Variants in ERLIN2 observed in about 807,000 individuals in gnomAD.
ERLIN2 encodes erlin-2.
Under a neutral mutation model 41.5 loss-of-function variants are expected in ERLIN2, and 22 were observed. That is an observed-to-expected ratio of 0.53 (90% CI 0.38 to 0.76). The LOEUF (loss-of-function observed/expected upper bound fraction) is 0.76. Ranked by LOEUF, ERLIN2 falls within the 30% of genes least tolerant of loss-of-function variation. The pLI, the probability that ERLIN2 is intolerant of heterozygous loss-of-function variation, is 0.00. For synonymous variants in ERLIN2, 149 were observed against 150.9 expected (o/e 0.99, Z 0.09); for missense variants, 247 against 414.3 (o/e 0.60, Z 3.51).
chr8:37,744,053 A>C (rs1307398902), intron 4 of ERLIN2, among the ~76,000 whole-genome samples: 1 of 152,200 alleles, frequency 6.6e-6, no homozygotes. Flanking sequence ...TTTTCCGTGC[A>C]ACTGATTAAT....
rs1271638094 is a variant in ERLIN2, at chr8:37,757,473, T to C, written c.*3358T>C. ...TTAAGTAGGCAAACTACTTCTACTT[T>C]CAAAGAGCCCCAAGGGCTTAATGAC... On this transcript the variant is annotated 3_prime_UTR_variant, in exon 12 of 12. Transcript: ENST00000519638. The C allele has an allele frequency of 6.6e-6, 1 of 152,222 alleles. No individual in the cohort carries two copies. Among genetic ancestry groups the C allele is most frequent in the Non-Finnish European group, 1.5e-5 (1 of 68,032 alleles). 9.4% of individuals were successfully genotyped at this position (152,222 alleles called of 1,614,324 possible).
chr8:37,754,129 T>C lies in ERLIN2; in HGVS notation c.*14T>C, dbSNP rs761432857. 4.5e-6 allele frequency: 7 copies of C among 1,549,276 alleles called. No homozygotes were observed. The highest frequency in any genetic ancestry group is 4.1e-5 in the African/African-American group (3 of 73,724). ...AAGGAGAATTGAAAAAAACTTGATA[T>C]GACTGCAAATGATACTTAAGCAGAT... On this transcript the variant is annotated 3_prime_UTR_variant, in exon 12 of 12. Transcript: ENST00000519638.
chr8:37,753,571 C>G, intron 11 of ERLIN2, 42 bp downstream of exon 11: 2 of 1,574,526 alleles, frequency 1.3e-6, no homozygotes, highest in Non-Finnish European at 1.7e-6. Context: ...GTCTTTGGGT[C>G]TGGGTCTGTA....
intron 2 of ERLIN2, 63 bp from the exon 3 acceptor site, chr8:37,740,302 T>C: frequency 9.0e-7 from 1 of 1,106,116 alleles, no homozygotes; most frequent in Non-Finnish European, 1.4e-6. Flanking sequence ...ACCCTCATGA[T>C]ATTGATCTAA....
intron 6 of ERLIN2, chr8:37,746,140 A>C (rs901310917): frequency 8.1e-6 from 8 of 992,776 alleles, no homozygotes; most frequent in Non-Finnish European, 9.6e-6. Flanking sequence ...AGCAAGCACT[A>C]CTTGGCTTAG....
rs1253809154 is a variant in ERLIN2 at position 37,755,362 on chromosome 8, G to T, written c.*1247G>T. 2 of 152,206 alleles carry T rather than the reference G, an allele frequency of 1.3e-5. No individual in the cohort carries two copies. The highest frequency in any genetic ancestry group is 4.8e-5 in the African/African-American group (2 of 41,436). 9.4% of individuals were successfully genotyped at this position (152,206 alleles called of 1,614,324 possible). ...AGTCACCTTGGGAGATTCAGGATGG[G>T]GAGAGCAAATTTGAACAAAAGGTTT... On this transcript the variant is annotated 3_prime_UTR_variant, in exon 12 of 12. Coordinates refer to ENST00000519638, the MANE Select transcript of ERLIN2 (RefSeq NM_007175.8).
chr8:37,754,004 CAT>C lies in ERLIN2; in HGVS notation c.910_911del (p.Met304ValfsTer13). 1 of 1,613,740 alleles carries C rather than the reference CAT, an allele frequency of 6.2e-7. No individual in the cohort carries two copies. The highest frequency in any genetic ancestry group is 1.3e-5 in the African/African-American group (1 of 74,944). ...TTTACTTTGGCAAAGACATTCCTAA[CAT>C]GTTCATGGACTCTGCGGGCAGTGTG... ...KIYFGKDIPNMFMDSAGSVSK... is the reference protein window; with the variant it reads ...KIYFGKDIPNXFMDSAGSVSK... On this transcript the variant is annotated frameshift_variant, in exon 12 of 12. Transcript: ENST00000519638. LOFTEE classifies it high-confidence loss of function.
Position 37,756,209 on chromosome 8 carries a change from CA to C in ERLIN2, c.*2096del, listed in dbSNP as rs1462044927. The C allele has an allele frequency of 1.3e-5, 2 of 152,122 alleles. No homozygotes were observed. Among genetic ancestry groups the C allele is most frequent in the Non-Finnish European group, 2.9e-5 (2 of 68,036 alleles). The allele number at this position is 152,122 out of a possible 1,614,324, so 9.4% of individuals were successfully genotyped here. A position where few individuals can be genotyped will look rare whatever the true frequency, so the allele number is the denominator to read the frequency against. On this transcript the variant is annotated 3_prime_UTR_variant, in exon 12 of 12. Transcript: ENST00000519638. ...GTCTCAAGAAAAGAAGGTCATTTCCCAAGACTAGCATAGGGAGTATCCATTT... is the reference window on the plus strand; with the variant it reads ...GTCTCAAGAAAAGAAGGTCATTTCCCAGACTAGCATAGGGAGTATCCATTT...
Position 37,754,295 on chromosome 8 carries a change from G to A in ERLIN2, c.*180G>A. The A allele has an allele frequency of 1.6e-6, 1 of 638,968 alleles. No homozygotes were observed. The highest frequency in any genetic ancestry group is 2.8e-6 in the Non-Finnish European group (1 of 359,814). 39.6% of individuals were successfully genotyped at this position (638,968 alleles called of 1,614,324 possible). On this transcript the variant is annotated 3_prime_UTR_variant, in exon 12 of 12. Transcript: ENST00000519638. ...GGAAAGGAGGGTGGGGACTGATGAT[G>A]GGGGGTTTTATTTCAGGTAAGCAGT...
intron 6 of ERLIN2, chr8:37,747,501 CTCCTCT>C (rs1434650493): frequency 3.7e-6 from 6 of 1,612,316 alleles, no homozygotes; most frequent in Middle Eastern, 1.6e-4. Flanking sequence ...TAGCCTCAAT[CTCCTCT>C]TCCTCTTCAT....
At chr8:37,750,682 C>T (rs1803198003) in intron 9 of ERLIN2, among the ~76,000 whole-genome samples, 196 bp downstream of exon 9, 1 of 152,058 alleles carries the variant, frequency 6.6e-6, no homozygotes, top group Non-Finnish European at 1.5e-5. Context: ...TTTTGAGTTT[C>T]CACTTAACTC....
rs902460036 is a variant in ERLIN2, at chr8:37,754,978, T to C, written c.*863T>C. The C allele has an allele frequency of 2.0e-5, 3 of 152,272 alleles. No homozygotes were observed. The highest frequency in any genetic ancestry group is 4.8e-5 in the African/African-American group (2 of 41,430). 9.4% of individuals were successfully genotyped at this position (152,272 alleles called of 1,614,324 possible). ...GCCACTGCAGGACCTGCCTGACAGG[T>C]TATGTGTGCACCTCGAGATGAAGTG... On this transcript the variant is annotated 3_prime_UTR_variant, in exon 12 of 12. Coordinates refer to ENST00000519638, the MANE Select transcript of ERLIN2 (RefSeq NM_007175.8).
At chr8:37,749,274 C>G (rs776550478) in intron 6 of ERLIN2, among the ~76,000 whole-genome samples, 15 of 152,242 alleles carry the variant, frequency 9.9e-5, no homozygotes, top group Non-Finnish European at 2.1e-4. Flanking sequence ...TCTTTTTAAG[C>G]TCTCACCCCC....
chr8:37,738,175 G>A, intron 2 of ERLIN2, 146 bp downstream of exon 2: 2 of 838,616 alleles, frequency 2.4e-6, no homozygotes, highest in Non-Finnish European at 4.0e-6. Flanking sequence ...TTTTATGTCA[G>A]TAACCACGGG....
In ERLIN2 at chr8:37,749,507, C is replaced by T. The variant is rs1803165756; in HGVS notation, c.425-52C>T. On this transcript the variant is annotated intron_variant, in intron 6 of 11. Coordinates refer to ENST00000519638, the MANE Select transcript of ERLIN2 (RefSeq NM_007175.8). ...TGCACTTTACCTCATCCTGCCCTCC[C>T]TCATCTAGAAAGTGTAACAACTCCT... 3 of 1,278,042 alleles carry T rather than the reference C, an allele frequency of 2.3e-6. No homozygotes were observed. In the Admixed American group the frequency reaches 5.0e-5, roughly 21 times the overall value. The allele number at this position is 1,278,042 out of a possible 1,614,324, so 79.2% of individuals were successfully genotyped here.
chr8:37,749,351 C>T (rs542741413), intron 6 of ERLIN2, among the ~76,000 whole-genome samples: 1 of 152,166 alleles, frequency 6.6e-6, no homozygotes, highest in Non-Finnish European at 1.5e-5. Context: ...AAAGAAAATG[C>T]CCTTGCGTTC....
intron 6 of ERLIN2, 183 bp downstream of exon 6, chr8:37,744,879 C>T (rs1297200025): frequency 1.4e-6 from 1 of 727,194 alleles, no homozygotes; most frequent in East Asian, 2.7e-5. Context: ...GATAGCTATG[C>T]AACAAGATCC....
chr8:37,736,768 C>CA lies in ERLIN2; in HGVS notation c.-16+91dup, dbSNP rs751918955. On this transcript the variant is annotated intron_variant, in intron 1 of 11. Coordinates refer to ENST00000519638, the MANE Select transcript of ERLIN2 (RefSeq NM_007175.8). ...CCGTCACTTTCGGGAACCTCAGTCC[C>CA]AGCAGCTTCTCTCCCTCAGCCGGCC... 385 of 985,848 alleles carry CA rather than the reference C, an allele frequency of 3.9e-4. 2 individuals carry two copies. The highest frequency in any genetic ancestry group is 4.5e-4 in the Non-Finnish European group (374 of 830,084). The allele number at this position is 985,848 out of a possible 1,614,324, so 61.1% of individuals were successfully genotyped here. A position where few individuals can be genotyped will look rare whatever the true frequency, so the allele number is the denominator to read the frequency against.
chr8:37,742,796 A>T (rs1802897336), intron 4 of ERLIN2, among the ~76,000 whole-genome samples: 2 of 152,352 alleles, frequency 1.3e-5, no homozygotes, highest in East Asian at 3.9e-4. Context: ...CATCCTGCAC[A>T]TGTACCTCTG....
Sources: gnomAD v4.1 joint callset for allele counts (sites outside exome capture counted in the v4.1 genomes callset) on GRCh38, gnomAD v4.1.1 for gene constraint, MANE v1.5 for transcripts, NCBI Gene and HGNC (gene_info 2026-07-23, HGNC 2026-07-21) for gene names.